The following KLHL29 variants were observed in gnomAD, a reference collection of about 807,000 sequenced individuals.
KLHL29 encodes kelch like family member 29, also known as kelch-like protein 29.
In KLHL29, 21 loss-of-function variants were observed where a neutral mutation model predicts 80.4. That is an observed-to-expected ratio of 0.26 (90% CI 0.19 to 0.38). KLHL29 has a LOEUF of 0.38. Among genes scored for constraint, KLHL29 ranks in the 10% least tolerant of loss-of-function variants. The probability of loss-of-function intolerance (pLI) is 1.00; values close to 1 mark genes in which losing one functional copy is unlikely to be tolerated. For missense variants in KLHL29, 867 were observed against 1,223.9 expected (o/e 0.71, Z 4.35); for synonymous variants, 511 against 526.8 (o/e 0.97, Z 0.41).
chr2:23,471,587 A>C (rs1201367822), intron 1 of KLHL29, among the ~76,000 whole-genome samples: 1 of 152,156 alleles, frequency 6.6e-6, no homozygotes, highest in Admixed American at 6.5e-5. Flanking sequence ...TGAAAGTCCT[A>C]AGACCCCTTT....
chr2:23,684,977 A>G lies in KLHL29; in HGVS notation c.1079+440A>G, dbSNP rs998639388. The stretch of plus-strand genomic sequence containing the variant: ...CTGTCGGTGGTGACTAATGCCAGGA[A>G]AGCGCATCGGCCAGGCTGTCCCTGC... On this transcript the variant is annotated intron_variant, in intron 6 of 13. Transcript: ENST00000486442. This position sits in a 1 kb window ranked among gnomAD's most constrained non-coding sequence, Gnocchi z 4.4. 2.0e-5 allele frequency among the ~76,000 whole-genome samples: 3 copies of G among 152,168 alleles called. No homozygotes were observed. Among genetic ancestry groups the G allele is most frequent in the Non-Finnish European group, 4.4e-5 (3 of 68,024 alleles).
intron 1 of KLHL29, among the ~76,000 whole-genome samples, chr2:23,399,386 G>C (rs1286969344): frequency 6.6e-6 from 1 of 152,168 alleles, no homozygotes; most frequent in African/African-American, 2.4e-5. Flanking sequence ...AATGGTAAAT[G>C]TTATGGCATG....
At chr2:23,509,879 C>T (rs1048910295) in intron 2 of KLHL29, among the ~76,000 whole-genome samples, 8 of 152,140 alleles carry the variant, frequency 5.3e-5, no homozygotes, top group African/African-American at 1.2e-4. Flanking sequence ...TTCCTCCTGA[C>T]GGACCTGGCA....
At chr2:23,425,029 A>G (rs1662967520) in intron 1 of KLHL29, among the ~76,000 whole-genome samples, 1 of 152,234 alleles carries the variant, frequency 6.6e-6, no homozygotes, top group South Asian at 2.1e-4. Flanking sequence ...TTGCACAACT[A>G]ATTTAAAGGA....
chr2:23,708,293 A>T lies in KLHL29; in HGVS notation c.*1629A>T, dbSNP rs1457814972. 6.6e-6 allele frequency: 1 copy of T among 152,196 alleles called. No individual in the cohort carries two copies. The highest frequency in any genetic ancestry group is 2.4e-5 in the African/African-American group (1 of 41,442). The allele number at this position is 152,196 out of a possible 1,614,324, so 9.4% of individuals were successfully genotyped here. ...ATAAGCACAAAACTACATACATTGT[A>T]TGTCATTTAAAGTATTTATGTCAAA... On this transcript the variant is annotated 3_prime_UTR_variant, in exon 14 of 14. Transcript: ENST00000486442.
chr2:23,597,290 C>A (rs1173731913), intron 3 of KLHL29, among the ~76,000 whole-genome samples: 12 of 100 alleles, frequency 0.12, no homozygotes, highest in African/African-American at 0.28. Context: ...CTATCTCTCT[C>A]TCTCTCATAT....
At chr2:23,427,650 C>A (rs1235801107) in intron 1 of KLHL29, among the ~76,000 whole-genome samples, 1 of 152,046 alleles carries the variant, frequency 6.6e-6, no homozygotes, top group Non-Finnish European at 1.5e-5. Context: ...TGTGGTCAGG[C>A]GTTTTGGTGT....
chr2:23,418,104 G>C (rs1662646798), intron 1 of KLHL29, among the ~76,000 whole-genome samples: 1 of 152,232 alleles, frequency 6.6e-6, no homozygotes, highest in Non-Finnish European at 1.5e-5. Flanking sequence ...TTTGTTGAAA[G>C]AGTGAATGAA....
At position 23,669,020 on chromosome 2, in the gene KLHL29, C is replaced by G. The variant is rs1024365381; in HGVS notation, c.941-15379C>G. The G allele has an allele frequency of 6.6e-6, 1 of 152,406 alleles. No individual in the cohort carries two copies. The highest frequency in any genetic ancestry group is 1.5e-5 in the Non-Finnish European group (1 of 68,208). The allele number at this position is 152,406 out of a possible 1,614,324, so 9.4% of individuals were successfully genotyped here. A position where few individuals can be genotyped will look rare whatever the true frequency, so the allele number is the denominator to read the frequency against. On this transcript the variant is annotated intron_variant, in intron 5 of 13. Transcript: ENST00000486442. The surrounding 1 kb of genome is among the most constrained non-coding windows in gnomAD (Gnocchi z 4.3). ...CTGTGGCCCATGGTGGGCCGAGCAG[C>G]ACCTTCCTCATCCCTGGGCCGGGGG...
chr2:23,597,373 G>GTA (rs1463981114), intron 3 of KLHL29, among the ~76,000 whole-genome samples: 818 of 13,376 alleles, frequency 0.061, 18 homozygotes, highest in East Asian at 0.14. Flanking sequence ...ATATATATAT[G>GTA]TGTGTGTGTG....
chr2:23,563,138 G>A (rs953783120), intron 3 of KLHL29, among the ~76,000 whole-genome samples: 1 of 152,236 alleles, frequency 6.6e-6, no homozygotes, highest in Admixed American at 6.5e-5. Flanking sequence ...TCAGCGCCAG[G>A]TCATTCCCGT....
intron 2 of KLHL29, among the ~76,000 whole-genome samples, chr2:23,550,330 G>A (rs543103347): frequency 1.3e-5 from 2 of 152,222 alleles, no homozygotes; most frequent in African/African-American, 2.4e-5. Context: ...AGTGGGCTAC[G>A]TCATGGTTTC....
At chr2:23,415,614 A>G (rs759094273) in intron 1 of KLHL29, among the ~76,000 whole-genome samples, 8 of 152,184 alleles carry the variant, frequency 5.3e-5, no homozygotes, top group African/African-American at 1.9e-4. Flanking sequence ...GTAGCTTTGC[A>G]TGAAGGTTTC....
chr2:23,469,078 G>C (rs1476421544), intron 1 of KLHL29, among the ~76,000 whole-genome samples: 1 of 152,172 alleles, frequency 6.6e-6, no homozygotes, highest in Non-Finnish European at 1.5e-5. Flanking sequence ...TACTCCACAA[G>C]ACTCCAGTCA....
At chr2:23,550,642 G>A (rs1356626839) in intron 2 of KLHL29, among the ~76,000 whole-genome samples, 5 of 152,204 alleles carry the variant, frequency 3.3e-5, no homozygotes, top group Admixed American at 6.5e-5. Context: ...TGTGACAGCC[G>A]TTCCCTAATG....
At chr2:23,543,456 G>A (rs1005779200) in intron 2 of KLHL29, among the ~76,000 whole-genome samples, 1 of 152,102 alleles carries the variant, frequency 6.6e-6, no homozygotes, top group Non-Finnish European at 1.5e-5. Context: ...GTAGGTAGGG[G>A]GATATTGTTA....
chr2:23,388,989 C>CTTTTTTTTTTTTTTTTTTTTTT (rs10691490), intron 1 of KLHL29, among the ~76,000 whole-genome samples: 3 of 106,868 alleles, frequency 2.8e-5, no homozygotes, highest in Admixed American at 9.7e-5. Context: ...CTTTCTTCTT[C>CTTTTTTTTTTTTTTTTTTTTTT]TTTTTTTTTT....
intron 6 of KLHL29, among the ~76,000 whole-genome samples, chr2:23,687,920 C>T (rs1671346801): frequency 1.3e-5 from 2 of 152,206 alleles, no homozygotes; most frequent in East Asian, 1.9e-4. Context: ...AGACCATGAG[C>T]GGGAGAGCTG....
At position 23,642,753 on chromosome 2, in the gene KLHL29, C is replaced by A. The variant is rs1274026740; in HGVS notation, c.843C>A (p.Thr281=). 1 of 1,550,188 alleles carries A rather than the reference C, an allele frequency of 6.5e-7. No individual in the cohort carries two copies. Among genetic ancestry groups the A allele is most frequent in the Non-Finnish European group, 8.7e-7 (1 of 1,146,820 alleles). Residue 281 remains threonine, a synonymous_variant, in exon 5 of 14, where the codon ACC becomes ACA. Transcript: ENST00000486442. ...CTCTCCCCAGTGGTGCCCCTGCCAC[C>A]AATGGGCCCCCCACAACCGACTCGG... ...SATLPSGAPA[T]NGPPTTDSAH...
Sources: gnomAD v4.1 joint callset for allele counts (sites outside exome capture counted in the v4.1 genomes callset) on GRCh38, gnomAD v4.1.1 for gene constraint, Gnocchi (gnomAD v3.1) non-coding constraint, MANE v1.5 for transcripts, NCBI Gene and HGNC (gene_info 2026-07-23, HGNC 2026-07-21) for gene names.